DPP10: variants seen among roughly 807,000 people sequenced by gnomAD.
DPP10 encodes inactive dipeptidyl peptidase 10.
In DPP10, 33 loss-of-function variants were observed where a neutral mutation model predicts 120.9. The ratio of observed to expected loss-of-function variants is 0.27; its 90% CI spans 0.21 to 0.37. The LOEUF (loss-of-function observed/expected upper bound fraction) is 0.37. Ranked by LOEUF, DPP10 falls within the 10% of genes least tolerant of loss-of-function variation. The pLI is 1.00. For synonymous variants in DPP10, 337 were observed against 326.1 expected (o/e 1.03, Z -0.36); for missense variants, 816 against 942.8 (o/e 0.87, Z 1.76).
At chr2:115,424,036 G>T (rs2070229806) in intron 3 of DPP10, among the ~76,000 whole-genome samples, 1 of 152,046 alleles carries the variant, frequency 6.6e-6, no homozygotes, top group Non-Finnish European at 1.5e-5. Flanking sequence ...ATTGTTGTTG[G>T]AATCTATGGA....
intron 21 of DPP10, 26 bp downstream of exon 21, chr2:115,815,755 T>C (rs775434434): frequency 5.7e-6 from 9 of 1,575,412 alleles, no homozygotes; most frequent in Non-Finnish European, 7.8e-6. Flanking sequence ...GCTGAATCTA[T>C]CTTTTTATGC....
At chr2:115,045,310 G>T (rs567062044) in intron 1 of DPP10, among the ~76,000 whole-genome samples, 2 of 152,182 alleles carry the variant, frequency 1.3e-5, no homozygotes, top group South Asian at 4.2e-4. Flanking sequence ...GAATGCCTTT[G>T]TGTGTTATTT....
chr2:114,774,497 A>C (rs1375337297), intron 1 of DPP10, among the ~76,000 whole-genome samples: 1 of 151,500 alleles, frequency 6.6e-6, no homozygotes, highest in Non-Finnish European at 1.5e-5. Flanking sequence ...AAATAATTTT[A>C]TTTTAAGGAA....
intron 3 of DPP10, among the ~76,000 whole-genome samples, chr2:115,475,703 G>A (rs937953580): frequency 6.6e-6 from 1 of 152,210 alleles, no homozygotes; most frequent in African/African-American, 2.4e-5. Context: ...CTAAACCCTA[G>A]AAAGCCACAG....
chr2:115,778,375 A>C (rs1278353688), intron 15 of DPP10, among the ~76,000 whole-genome samples: 2 of 152,072 alleles, frequency 1.3e-5, no homozygotes, highest in Non-Finnish European at 2.9e-5. Context: ...AAAATAAAGC[A>C]ATATAGGGGA....
chr2:114,459,016 A>G (rs570573066), intron 1 of DPP10, among the ~76,000 whole-genome samples: 8 of 152,354 alleles, frequency 5.3e-5, no homozygotes, highest in Non-Finnish European at 8.8e-5. Flanking sequence ...CTGATATTTT[A>G]CTATATTCCT....
At chr2:115,274,513 A>G (rs564247596) in intron 1 of DPP10, among the ~76,000 whole-genome samples, 4 of 152,228 alleles carry the variant, frequency 2.6e-5, no homozygotes, top group Admixed American at 2.6e-4. Flanking sequence ...CTCTGATGGG[A>G]AGAATTGTAT....
chr2:114,550,406 C>T (rs1364323304), intron 1 of DPP10, among the ~76,000 whole-genome samples: 1 of 152,200 alleles, frequency 6.6e-6, no homozygotes, highest in Non-Finnish European at 1.5e-5. Flanking sequence ...ATTGTCTCTA[C>T]AGAGGAGAAA....
intron 1 of DPP10, among the ~76,000 whole-genome samples, chr2:114,566,995 A>C (rs959392214): frequency 1.4e-4 from 22 of 152,162 alleles, no homozygotes; most frequent in Non-Finnish European, 2.2e-4. Flanking sequence ...TCATTACAGC[A>C]CCAGAGTGGG....
Position 115,718,103 on chromosome 2 carries a change from G to A in DPP10, c.577-9713G>A, listed in dbSNP as rs969311714. On this transcript the variant is annotated intron_variant, in intron 7 of 25. Coordinates refer to ENST00000410059, the MANE Select transcript of DPP10 (RefSeq NM_020868.6). ...GCATATACTTATTTTCAGCGTAACT[G>A]GATAAAAATGTCTGATTCTTTCTAA... Among the ~76,000 whole-genome samples the A allele has an allele frequency of 9.9e-5, 15 of 151,914 alleles. No homozygotes were observed. In the East Asian group the frequency reaches 1.8e-3, roughly 18 times the overall value.
chr2:115,040,225 A>G (rs1033041787), intron 1 of DPP10, among the ~76,000 whole-genome samples: 5 of 151,802 alleles, frequency 3.3e-5, no homozygotes, highest in Admixed American at 3.3e-4. Context: ...ACAGGTCCAA[A>G]CCATATCACC....
At chr2:115,523,881 G>T (rs1181217408) in intron 4 of DPP10, among the ~76,000 whole-genome samples, 1 of 152,046 alleles carries the variant, frequency 6.6e-6, no homozygotes, top group Non-Finnish European at 1.5e-5. Context: ...TATTTTCATG[G>T]TTATTTAAAT....
intron 1 of DPP10, among the ~76,000 whole-genome samples, chr2:114,862,866 AGT>A (rs1689925093): frequency 7.0e-6 from 1 of 143,614 alleles, no homozygotes; most frequent in South Asian, 2.4e-4. Context: ...GTTGTTTGGT[AGT>A]GTGTGTTGAA....
chr2:114,560,160 T>C (rs1688654041), intron 1 of DPP10, among the ~76,000 whole-genome samples: 2 of 152,310 alleles, frequency 1.3e-5, no homozygotes, highest in South Asian at 4.1e-4. Flanking sequence ...CTAATCCATA[T>C]TGTGACTGGC....
intron 1 of DPP10, among the ~76,000 whole-genome samples, chr2:114,653,979 G>T (rs574468510): frequency 6.6e-6 from 1 of 152,158 alleles, no homozygotes; most frequent in Non-Finnish European, 1.5e-5. Flanking sequence ...GGCCTCCAGG[G>T]TTATTTCCAA....
chr2:115,162,019 G>C, intron 1 of DPP10: 2 of 1,386,412 alleles, frequency 1.4e-6, no homozygotes, highest in Non-Finnish European at 1.9e-6. Flanking sequence ...AGGCGCAGCC[G>C]GCGGACCAGG....
chr2:115,133,115 A>G (rs929790520), intron 1 of DPP10, among the ~76,000 whole-genome samples: 9 of 73,998 alleles, frequency 1.2e-4, no homozygotes, highest in Admixed American at 4.2e-4. Flanking sequence ...ATGTATATGT[A>G]TGTGTGTGTG....
At chr2:115,333,657 G>T (rs1192472622) in intron 2 of DPP10, among the ~76,000 whole-genome samples, 1 of 152,164 alleles carries the variant, frequency 6.6e-6, no homozygotes, top group South Asian at 2.1e-4. Flanking sequence ...TGTCTGTAAA[G>T]GATTTTATTT....
At chr2:115,404,507 T>C (rs113677478) in intron 3 of DPP10, among the ~76,000 whole-genome samples, 10,365 of 152,086 alleles carry the variant, frequency 0.068, 449 homozygotes, top group Middle Eastern at 0.14. Context: ...GTAATACAAA[T>C]CAATGGAAAG....
Sources: gnomAD v4.1 joint callset for allele counts (sites outside exome capture counted in the v4.1 genomes callset) on GRCh38, gnomAD v4.1.1 for gene constraint, MANE v1.5 for transcripts, NCBI Gene and HGNC (gene_info 2026-07-23, HGNC 2026-07-21) for gene names.